Variants in FNDC1 observed in about 807,000 individuals in gnomAD.
FNDC1 encodes fibronectin type III domain containing 1.
FNDC1 carries 96 observed loss-of-function variants against 168.0 expected under a neutral mutation model. The observed-to-expected ratio is 0.57, with a 90% confidence interval of 0.48 to 0.68. The LOEUF (loss-of-function observed/expected upper bound fraction) is 0.68. Among genes scored for constraint, FNDC1 ranks in the 30% least tolerant of loss-of-function variants. The pLI, the probability that FNDC1 is intolerant of heterozygous loss-of-function variation, is 0.00. For synonymous variants in FNDC1, 1,099 were observed against 1,025.9 expected, an observed-to-expected ratio of 1.07 and a Z score of -1.36; for missense variants, 2,587 against 2,482.1, an observed-to-expected ratio of 1.04 and a Z score of -0.90.
intron 9 of FNDC1, 121 bp from the exon 10 acceptor site, chr6:159,229,694 C>A: frequency 1.3e-6 from 1 of 798,456 alleles, no homozygotes. Context: ...ACTTGGCGTG[C>A]ATTGCTAGTG....
At chr6:159,182,199 A>G (rs1781895080) in intron 1 of FNDC1, among the ~76,000 whole-genome samples, 1 of 152,230 alleles carries the variant, frequency 6.6e-6, no homozygotes, top group Non-Finnish European at 1.5e-5. Context: ...ACTAGATATC[A>G]TCTGAGCAGA....
chr6:159,263,183 G>A (rs1443354698), intron 19 of FNDC1, among the ~76,000 whole-genome samples: 14 of 152,190 alleles, frequency 9.2e-5, no homozygotes, highest in African/African-American at 3.4e-4. Context: ...TCAGTTCAGA[G>A]CAGGGGAGCA....
At chr6:159,249,326 G>A (rs1777207898) in intron 16 of FNDC1, 144 bp downstream of exon 16, 1 of 741,354 alleles carries the variant, frequency 1.3e-6, no homozygotes, top group African/African-American at 1.8e-5. Flanking sequence ...GGATAATTGA[G>A]TGAGTCAGTC....
chr6:159,250,384 C>G (rs975420202), intron 16 of FNDC1, among the ~76,000 whole-genome samples: 15 of 152,242 alleles, frequency 9.9e-5, no homozygotes, highest in African/African-American at 3.6e-4. Context: ...AAACTAAAAA[C>G]TGCATTCAGT....
chr6:159,258,779 G>A (rs77105008), intron 18 of FNDC1, among the ~76,000 whole-genome samples: 1 of 152,342 alleles, frequency 6.6e-6, no homozygotes, highest in East Asian at 1.9e-4. Context: ...CAAGTGTGAT[G>A]TAAGGACACT....
At position 159,261,250 on chromosome 6, in the gene FNDC1, C is replaced by T. The variant is rs556653518; in HGVS notation, c.5235C>T (p.Val1745=). Residue 1745 remains valine, a synonymous_variant, in exon 19 of 23, where the codon GTC becomes GTT. Transcript: ENST00000297267. ...GCTACGGACCTATCAGCCCTTCGGT[C>T]TCATTTGTCACCGAATCAGGTATGA... The part of the protein sequence containing the change: ...PHGYGPISPS[V]SFVTESDNPL... 8 of 1,612,196 alleles carry T rather than the reference C, an allele frequency of 5.0e-6. No individual in the cohort carries two copies. The South Asian group carries it at 8.8e-5, about 18-fold the overall frequency.
At chr6:159,213,641 C>T (rs941930927) in intron 4 of FNDC1, among the ~76,000 whole-genome samples, 63 of 151,790 alleles carry the variant, frequency 4.2e-4, no homozygotes, top group African/African-American at 1.3e-3. Flanking sequence ...CACATAAGAC[C>T]AGTGTGTGTG....
intron 22 of FNDC1, among the ~76,000 whole-genome samples, chr6:159,268,683 TATCTATCCATCC>T (rs1472865877): frequency 6.6e-6 from 1 of 150,720 alleles, no homozygotes; most frequent in Non-Finnish European, 1.5e-5. Context: ...TCTATCCATC[TATCTATCCATCC>T]ATCCATCTAT....
intron 4 of FNDC1, among the ~76,000 whole-genome samples, chr6:159,201,148 G>T (rs1477162951): frequency 6.6e-6 from 1 of 152,184 alleles, no homozygotes; most frequent in East Asian, 1.9e-4. Context: ...TGTGTTTCTT[G>T]AATATATTTA....
At chr6:159,245,383 C>T (rs1783518377) in intron 14 of FNDC1, among the ~76,000 whole-genome samples, 1 of 152,182 alleles carries the variant, frequency 6.6e-6, no homozygotes, top group African/African-American at 2.4e-5. Context: ...TCACTTCTTC[C>T]TGTTTTCCCC....
rs376216091 is a variant in FNDC1 at position 159,234,297 on chromosome 6, C to T, written c.3785C>T (p.Pro1262Leu). The change falls in exon 11 of 23, where the codon CCG (proline) becomes CTG (leucine). Residue 1262 changes from proline to leucine, a missense_variant. Pro to Leu is a moderately conservative substitution (Grantham distance 98). Coordinates refer to ENST00000297267, the MANE Select transcript of FNDC1 (RefSeq NM_032532.3). ...PRASHVPSRL[P>L]PRSAATVSPV... is the part of the protein sequence containing the mutation. ...GCCTCCCACGTCCCTTCCCGACTGC[C>T]GCCTCGCAGCGCTGCCACCGTGAGC... 686 of 1,604,938 alleles carry T rather than the reference C, an allele frequency of 4.3e-4. No homozygotes were observed. The highest frequency in any genetic ancestry group is 5.4e-4 in the Non-Finnish European group (631 of 1,175,950).
At position 159,236,293 on chromosome 6, in the gene FNDC1, A is replaced by G. The variant is rs763956959; in HGVS notation, c.4046A>G (p.Asn1349Ser). The change falls in exon 12 of 23, where the codon AAT becomes AGT. Residue 1349 changes from asparagine to serine, a missense_variant. Physicochemically the swap from Asn to Ser is conservative, Grantham distance 46. Transcript: ENST00000297267. ...AAACCGAATGGACAGAGAATTATCA[A>G]TGGCCCTCAAGGAACAAAGTGGGTA... ...NGKPNGQRIINGPQGTKWVVD... is the reference protein window; with the variant it reads ...NGKPNGQRIISGPQGTKWVVD... 8.7e-6 allele frequency: 14 copies of G among 1,613,490 alleles called. No individual in the cohort carries two copies. Among genetic ancestry groups the G allele is most frequent in the Middle Eastern group, 1.7e-4 (1 of 6,060 alleles).
Position 159,264,967 on chromosome 6 carries a change from T to C in FNDC1, c.5255-8T>C. 2 of 1,601,534 alleles carry C rather than the reference T, an allele frequency of 1.2e-6. No individual in the cohort carries two copies. The highest frequency in any genetic ancestry group is 1.7e-6 in the Non-Finnish European group (2 of 1,172,908). On this transcript the variant is annotated splice_region_variant and splice_polypyrimidine_tract_variant and intron_variant, in intron 19 of 22. Coordinates refer to ENST00000297267, the MANE Select transcript of FNDC1 (RefSeq NM_032532.3). ...CACAGAGTCCATTATTTCTTTTTCA[T>C]TCTACAGATAATCCTCTGCTTGTTG...
At chr6:159,174,418 G>T (rs567664662) in intron 1 of FNDC1, among the ~76,000 whole-genome samples, 1 of 152,384 alleles carries the variant, frequency 6.6e-6, no homozygotes, top group African/African-American at 2.4e-5. Flanking sequence ...GGCCCGGCCT[G>T]GGCAGCGCTT....
At chr6:159,225,445 T>G in intron 7 of FNDC1, 90 bp from the exon 8 acceptor site, 1 of 1,033,856 alleles carries the variant, frequency 9.7e-7, no homozygotes, top group Non-Finnish European at 1.4e-6. Flanking sequence ...CCTCCCAAAG[T>G]CATCACTTAT....
chr6:159,217,083 C>T (rs1782724202), intron 5 of FNDC1, among the ~76,000 whole-genome samples: 1 of 152,192 alleles, frequency 6.6e-6, no homozygotes, highest in Admixed American at 6.5e-5. Flanking sequence ...GAGAAGGCAG[C>T]CTGGCACCCA....
chr6:159,261,065 T>C (rs1243429027), intron 18 of FNDC1, 125 bp from the exon 19 acceptor site: 2 of 671,628 alleles, frequency 3.0e-6, no homozygotes, highest in Non-Finnish European at 5.2e-6. Context: ...TAGTGCTGTA[T>C]GCATTTGTAA....
rs779321547 is a variant in FNDC1, at chr6:159,234,369, C to A, written c.3857C>A (p.Pro1286Gln). 1.2e-6 allele frequency: 2 copies of A among 1,612,706 alleles called. No individual in the cohort carries two copies. Among genetic ancestry groups the A allele is most frequent in the Non-Finnish European group, 8.5e-7 (1 of 1,179,376 alleles). Residue 1286 changes from proline to glutamine, a missense_variant, in exon 11 of 23, where the codon CCA becomes CAA. Coordinates refer to ENST00000297267, the MANE Select transcript of FNDC1 (RefSeq NM_032532.3). Reference protein sequence around the residue: ...HPWPQYTTRAPPGHFSTTPML... With the variant: ...HPWPQYTTRAQPGHFSTTPML... ...TGGCCGCAGTACACCACGCGCGCCC[C>A]ACCTGGCCACTTCTCCACCACCCCG...
At chr6:159,267,500 C>A (rs971318826) in intron 21 of FNDC1, among the ~76,000 whole-genome samples, 1 of 151,766 alleles carries the variant, frequency 6.6e-6, no homozygotes. Context: ...TAGTTTTCAT[C>A]ATTCCTTTTT....
Sources: gnomAD v4.1 joint callset for allele counts (sites outside exome capture counted in the v4.1 genomes callset) on GRCh38, gnomAD v4.1.1 for gene constraint, MANE v1.5 for transcripts, NCBI Gene and HGNC (gene_info 2026-07-23, HGNC 2026-07-21) for gene names.